SYNE1: variants seen among roughly 807,000 people sequenced by gnomAD.
The protein encoded by SYNE1 is spectrin repeat containing nuclear envelope protein 1, also known as nesprin-1.
SYNE1 carries 616 observed loss-of-function variants against 1,111.0 expected under a neutral mutation model. The ratio of observed to expected loss-of-function variants is 0.55; its 90% confidence interval spans 0.52 to 0.59. SYNE1 has a LOEUF of 0.59. SYNE1 is among the 20% of genes least tolerant of loss of function. SYNE1 has a pLI of 0.00. For synonymous variants in SYNE1, 3,855 were observed against 3,825.8 expected (o/e 1.01, Z -0.28); for missense variants, 10,006 against 10,417.0 (o/e 0.96, Z 1.72).
chr6:152,417,775 G>GA (rs2098185416), intron 40 of SYNE1, among the ~76,000 whole-genome samples: 1 of 151,506 alleles, frequency 6.6e-6, no homozygotes, highest in Non-Finnish European at 1.5e-5. Context: ...GCATGTATGT[G>GA]AAAAAATTTT....
intron 124 of SYNE1, 104 bp downstream of exon 124, chr6:152,211,390 A>G (rs1051667183): frequency 1.1e-5 from 10 of 939,776 alleles, no homozygotes; most frequent in Non-Finnish European, 1.5e-5. Context: ...CTACAGTTCA[A>G]TTGCCTCAGG....
chr6:152,590,996 T>G (rs959483888), intron 3 of SYNE1, among the ~76,000 whole-genome samples: 1 of 152,228 alleles, frequency 6.6e-6, no homozygotes, highest in African/African-American at 2.4e-5. Flanking sequence ...ATTTTTACGA[T>G]GTTGATTCTT....
At chr6:152,414,943 G>T (rs1292553908) in intron 41 of SYNE1, among the ~76,000 whole-genome samples, 3 of 152,070 alleles carry the variant, frequency 2.0e-5, no homozygotes, top group East Asian at 1.9e-4. Context: ...CCTATAAAGG[G>T]TATAACCTCA....
At position 152,283,986 on chromosome 6, in the gene SYNE1, G is replaced by C. The variant is rs758008734; in HGVS notation, c.18199C>G (p.Leu6067Val). The C allele has an allele frequency of 6.2e-7, 1 of 1,614,146 alleles. No individual in the cohort carries two copies. Among genetic ancestry groups the C allele is most frequent in the Non-Finnish European group, 8.5e-7 (1 of 1,179,962 alleles). The change falls in exon 96 of 146, where the codon CTT becomes GTT. Residue 6067 changes from leucine to valine, a missense_variant. Leu to Val is a conservative substitution (Grantham distance 32). Around this residue, in one of 7 missense-constraint regions of SYNE1, gnomAD observed 99 missense variants for 147.8 expected, o/e 0.67. Coordinates refer to ENST00000367255, the MANE Select transcript of SYNE1 (RefSeq NM_182961.4). ...IRMKASGKRQ[L>V]LEEKLNDQLE... ...TTACAGTTATTGGTTACCTCCAAAA[G>C]CTGCCGTTTCCCCGAGGCTTTCATC...
At position 152,413,493 on chromosome 6, in the gene SYNE1, G is replaced by T; in HGVS notation, c.6089C>A (p.Ser2030Tyr). 6.8e-6 allele frequency: 11 copies of T among 1,614,090 alleles called. No homozygotes were observed. The highest frequency in any genetic ancestry group is 9.3e-6 in the Non-Finnish European group (11 of 1,180,004). The change falls in exon 42 of 146, where the codon TCT (serine) becomes TAT (tyrosine). Residue 2030 changes from serine (S) to tyrosine (Y), a missense_variant. Around this residue, in one of 7 missense-constraint regions of SYNE1, gnomAD observed 4,955 missense variants for 5,017.2 expected, o/e 0.99. Transcript: ENST00000367255. ...CAACCAACATAGTTCATGCTCGTGA[G>T]AATTCAATTCATCTTCTAGCTGATT... The part of the protein sequence containing the change: ...VFNQLEDELN[S>Y]HEHELCWLKD...
At chr6:152,613,845 A>G (rs2099638730) in intron 3 of SYNE1, among the ~76,000 whole-genome samples, 1 of 152,190 alleles carries the variant, frequency 6.6e-6, no homozygotes, top group Non-Finnish European at 1.5e-5. Context: ...ATCTACAACC[A>G]TCTGATCTTT....
intron 59 of SYNE1, among the ~76,000 whole-genome samples, chr6:152,372,597 G>A (rs1299019622): frequency 6.6e-6 from 1 of 152,090 alleles, no homozygotes; most frequent in African/African-American, 2.4e-5. Context: ...TATAAACATT[G>A]TTTCTGCATA....
chr6:152,293,009 A>G (rs1481128069), intron 95 of SYNE1, among the ~76,000 whole-genome samples: 2 of 152,234 alleles, frequency 1.3e-5, no homozygotes, highest in Non-Finnish European at 2.9e-5. Context: ...TTTTAACATT[A>G]TCTTTCTGCA....
At chr6:152,251,544 G>T (rs1352808889) in intron 104 of SYNE1, among the ~76,000 whole-genome samples, 1 of 151,590 alleles carries the variant, frequency 6.6e-6, no homozygotes, top group Middle Eastern at 3.2e-3. Flanking sequence ...GGATCACGAG[G>T]TCAGGAGATC....
chr6:152,321,767 A>G lies in SYNE1; in HGVS notation c.16037T>C (p.Leu5346Ser), dbSNP rs2095873677. Residue 5346 changes from leucine (L) to serine (S), a missense_variant, in exon 83 of 146, where the codon TTA becomes TCA. Transcript: ENST00000367255. ...KCWVQETKEY[L>S]GNPTIEIDAQ... is the part of the protein sequence containing the mutation. ...ATCTATTTCTATTGTTGGATTCCCT[A>G]AATATTCTTTCGTTTCCTGAACCCA... 2 of 1,614,016 alleles carry G rather than the reference A, an allele frequency of 1.2e-6. No individual in the cohort carries two copies. Among genetic ancestry groups the G allele is most frequent in the Non-Finnish European group, 1.7e-6 (2 of 1,179,962 alleles).
At chr6:152,308,668 T>A (rs1383324309) in intron 90 of SYNE1, 36 bp from the exon 91 acceptor site, 1 of 1,588,440 alleles carries the variant, frequency 6.3e-7, no homozygotes, top group Non-Finnish European at 8.5e-7. Context: ...GATAGACAGT[T>A]TTTTTTCTCT....
intron 2 of SYNE1, among the ~76,000 whole-genome samples, chr6:152,635,848 A>G (rs1394108709): frequency 6.6e-6 from 1 of 152,152 alleles, no homozygotes; most frequent in East Asian, 1.9e-4. Context: ...TCTGGGCTGG[A>G]CCTGACTCTA....
intron 58 of SYNE1, among the ~76,000 whole-genome samples, chr6:152,375,876 T>A (rs1036311843): frequency 6.6e-6 from 1 of 152,244 alleles, no homozygotes; most frequent in Middle Eastern, 3.2e-3. Flanking sequence ...TTCCTCTTCA[T>A]ATACAGAAGC....
chr6:152,223,044 G>A (rs1016159995), intron 117 of SYNE1, among the ~76,000 whole-genome samples: 2 of 152,110 alleles, frequency 1.3e-5, no homozygotes, highest in Non-Finnish European at 2.9e-5. Context: ...TACAAAAATC[G>A]AGTACTGTTT....
At chr6:152,314,830 A>G (rs1349714769) in intron 87 of SYNE1, among the ~76,000 whole-genome samples, 1 of 150,282 alleles carries the variant, frequency 6.7e-6, no homozygotes, top group Non-Finnish European at 1.5e-5. Context: ...ACGTGCCTGT[A>G]GTTCCAGCTA....
Position 152,308,606 on chromosome 6 carries a change from A to G in SYNE1, c.17229T>C (p.Tyr5743=), listed in dbSNP as rs377344899. ...MQEAVVQYEQ[Y]EQEMKHLQQL... ...GCTGGAGATGTTTCATTTCTTGCTC[A>G]TATTGTTCATATTGTACCACAGCTT... Residue 5743 remains tyrosine, a synonymous_variant, in exon 91 of 146, where the codon TAT becomes TAC. Coordinates refer to ENST00000367255, the MANE Select transcript of SYNE1 (RefSeq NM_182961.4). 4 of 1,612,038 alleles carry G rather than the reference A, an allele frequency of 2.5e-6. No individual in the cohort carries two copies. The highest frequency in any genetic ancestry group is 1.1e-5 in the South Asian group (1 of 90,976).
intron 104 of SYNE1, among the ~76,000 whole-genome samples, chr6:152,251,676 G>A (rs2153602009): frequency 6.6e-6 from 1 of 151,348 alleles, no homozygotes; most frequent in East Asian, 2.0e-4. Flanking sequence ...GGAGAATGGC[G>A]TGAACCTGGG....
rs747679686 is a variant in SYNE1 at position 152,330,261 on chromosome 6, C to T, written c.14424G>A (p.Thr4808=). Residue 4808 remains threonine (T), a synonymous_variant, in exon 78 of 146, where the codon ACG becomes ACA. Coordinates refer to ENST00000367255, the MANE Select transcript of SYNE1 (RefSeq NM_182961.4). The stretch of plus-strand genomic sequence containing the variant: ...TTTTGAGCTTCTCCTCTGCAGGCAG[C>T]GTTTCCTCATTCACTTTGGACTGCT... ...KEEQSKVNEE[T]LPAEEKLKMY... is the part of the protein sequence containing the mutation. The T allele has an allele frequency of 1.7e-5, 28 of 1,614,064 alleles. No individual in the cohort carries two copies. Among genetic ancestry groups the T allele is most frequent in the East Asian group, 2.2e-5 (1 of 44,888 alleles).
intron 34 of SYNE1, among the ~76,000 whole-genome samples, chr6:152,431,686 G>GA (rs1295234042): frequency 6.6e-6 from 1 of 152,000 alleles, no homozygotes; most frequent in East Asian, 1.9e-4. Flanking sequence ...ATTGCCCTAG[G>GA]AAAAAAATAA....
Sources: gnomAD v4.1 joint callset for allele counts (sites outside exome capture counted in the v4.1 genomes callset) on GRCh38, gnomAD v4.1.1 for gene constraint, gnomAD v4.1.1 regional missense constraint, MANE v1.5 for transcripts, NCBI Gene and HGNC (gene_info 2026-07-23, HGNC 2026-07-21) for gene names.